The following CT45A10 variants were observed in gnomAD, a reference collection of about 807,000 sequenced individuals.
CT45A10 encodes the protein cancer/testis antigen family 45 member A10.
CT45A10 carries 19 observed loss-of-function variants against 8.3 expected under a neutral mutation model. That is an observed-to-expected ratio of 2.30 (90% CI 1.61 to 3.38). The LOEUF is 3.38. Ranked by LOEUF, CT45A10 falls within the 30% of genes most tolerant of loss-of-function variation. The pLI, the probability that CT45A10 is intolerant of heterozygous loss-of-function variation, is 0.00. For synonymous variants in CT45A10, 28 were observed against 26.5 expected (o/e 1.06, Z -0.17); for missense variants, 149 against 85.9 (o/e 1.73, Z -2.90).
chrX:135,888,214 G>A (rs1391118032), intron 1 of CT45A10, among the ~76,000 whole-genome samples: 2 of 112,888 alleles, frequency 1.8e-5, no homozygotes, highest in African/African-American at 3.2e-5. Context: ...TCCAGTAAGC[G>A]TCCACAACGG....
chrX:135,883,546 G>C (rs2088413804), intron 2 of CT45A10, among the ~76,000 whole-genome samples: 2 of 109,991 alleles, frequency 1.8e-5, no homozygotes, highest in African/African-American at 3.3e-5. Flanking sequence ...GCCTTGAATA[G>C]ATATGGAAAC....
chrX:135,889,830 GAAAA>G (rs10684169), intron 1 of CT45A10, among the ~76,000 whole-genome samples: 22,063 of 96,295 alleles, frequency 0.23, 1,938 homozygotes, highest in Non-Finnish European at 0.27. Context: ...CAAAAAGTTG[GAAAA>G]AAAAAAAAAA....
At chrX:135,890,326 G>A (rs987124176) in intron 1 of CT45A10, among the ~76,000 whole-genome samples, 19 of 112,712 alleles carry the variant, frequency 1.7e-4, no homozygotes, top group Non-Finnish European at 3.2e-4. Flanking sequence ...CAGCTTGAGC[G>A]ATGCAGATCC....
intron 3 of CT45A10, 48 bp downstream of exon 3, chrX:135,882,960 G>T: frequency 3.4e-6 from 4 of 1,176,257 alleles, no homozygotes. Context: ...ATCATAGAAA[G>T]AGTGACTTCC....
chrX:135,883,087 G>A lies in CT45A10; in HGVS notation c.339C>T (p.Ala113=), dbSNP rs1303636149. ...TTTCTTGTTGGCTTTTGGGAGAGGA[G>A]GCTATTCCTCTGCATTCTAGGTCAT... is the stretch of plus-strand genomic sequence containing the variant. ...SGDDLECRGI[A]SSPKSQQEIN... is the part of the protein sequence containing the mutation. The change falls in exon 3 of 5, where the codon GCC becomes GCT. Residue 113 remains alanine (A), a synonymous_variant. Coordinates refer to ENST00000682849, the MANE Select transcript of CT45A10 (RefSeq NM_001291529.2). 22 of 1,197,039 alleles carry A rather than the reference G, an allele frequency of 1.8e-5. No homozygotes were observed. The African/African-American group carries it at 2.5e-4, about 13-fold the overall frequency.
chrX:135,883,094 C>A lies in CT45A10; in HGVS notation c.332G>T (p.Gly111Val). The A allele has an allele frequency of 8.3e-7, 1 of 1,198,464 alleles. No individual in the cohort carries two copies. Reference sequence around the variant, plus strand: ...TTGGCTTTTGGGAGAGGAGGCTATTCCTCTGCATTCTAGGTCATCTCCAGA... The same window carrying A: ...TTGGCTTTTGGGAGAGGAGGCTATTACTCTGCATTCTAGGTCATCTCCAGA... ...NFSGDDLECRGIASSPKSQQE... is the reference protein window; with the variant it reads ...NFSGDDLECRVIASSPKSQQE... The change falls in exon 3 of 5, where the codon GGA becomes GTA. Residue 111 changes from glycine (G) to valine (V), a missense_variant. Coordinates refer to ENST00000682849, the MANE Select transcript of CT45A10 (RefSeq NM_001291529.2).
rs10645547 is a variant in CT45A10, at chrX:135,889,477, C to CA, written c.-7+3867dup. Among the ~76,000 whole-genome samples, 507 of 89,074 alleles carry CA rather than the reference C, an allele frequency of 5.7e-3. 19 individuals are homozygous for CA. In the East Asian group the frequency reaches 0.082, roughly 14 times the overall value. The allele number at this position is 89,074 out of a possible 115,157, so 77.4% of individuals were successfully genotyped here. A position where few individuals can be genotyped will look rare whatever the true frequency, so the allele number is the denominator to read the frequency against. On this transcript the variant is annotated intron_variant, in intron 1 of 4. Coordinates refer to ENST00000682849, the MANE Select transcript of CT45A10 (RefSeq NM_001291529.2). Reference sequence around the variant, plus strand: ...TCCCAGACCATACAGAAGACTCCATCAAAAAAAAAAAAAAGAAAGAAAGAA... The same window carrying CA: ...TCCCAGACCATACAGAAGACTCCATCAAAAAAAAAAAAAAAGAAAGAAAGAA...
At position 135,883,351 on chromosome X, in the gene CT45A10, C is replaced by G; in HGVS notation, c.170-95G>C. 4.2e-6 allele frequency: 5 copies of G among 1,183,210 alleles called. No homozygotes were observed. In the Admixed American group the frequency reaches 1.1e-4, roughly 26 times the overall value. On this transcript the variant is annotated intron_variant, in intron 2 of 4. Coordinates refer to ENST00000682849, the MANE Select transcript of CT45A10 (RefSeq NM_001291529.2). Reference sequence around the variant, plus strand: ...CCTCATGAATGACAGATCTGGAAATCAAACTGAGAAGTTGAGCTGTGAGAT... The same window carrying G: ...CCTCATGAATGACAGATCTGGAAATGAAACTGAGAAGTTGAGCTGTGAGAT...
At chrX:135,882,433 G>C in intron 4 of CT45A10, 103 bp downstream of exon 4, 1 of 630,181 alleles carries the variant, frequency 1.6e-6, no homozygotes, top group South Asian at 2.6e-5. Flanking sequence ...TGAGGACCAG[G>C]GTTTGAGAAA....
At chrX:135,893,153 C>T (rs993753260) in intron 1 of CT45A10, among the ~76,000 whole-genome samples, 192 bp downstream of exon 1, 4 of 110,928 alleles carry the variant, frequency 3.6e-5, no homozygotes, top group African/African-American at 6.6e-5. Context: ...CCAAGGAAAA[C>T]GCTCCCCCAT....
At chrX:135,883,394 C>A in intron 2 of CT45A10, 138 bp from the exon 3 acceptor site, 3 of 1,061,466 alleles carry the variant, frequency 2.8e-6, no homozygotes, top group Non-Finnish European at 3.8e-6. Context: ...TTTCATCACC[C>A]CTCTGGGTAC....
intron 1 of CT45A10, among the ~76,000 whole-genome samples, chrX:135,892,291 C>A (rs2088512908): frequency 8.9e-6 from 1 of 111,878 alleles, no homozygotes; most frequent in Non-Finnish European, 1.9e-5. Flanking sequence ...AAAAAGGGTG[C>A]TCAATCTCAT....
chrX:135,889,845 A>T (rs1419606193), intron 1 of CT45A10, among the ~76,000 whole-genome samples: 2 of 106,444 alleles, frequency 1.9e-5, no homozygotes, highest in Non-Finnish European at 3.9e-5. Context: ...AAAAAAAAAA[A>T]GTAAAATAAA....
chrX:135,883,976 G>C (rs1413313549), intron 2 of CT45A10, among the ~76,000 whole-genome samples: 1 of 1,235 alleles, frequency 8.1e-4, no homozygotes, highest in East Asian at 0.012. Context: ...AAACAGCCCA[G>C]AGAGCAACGT....
chrX:135,892,185 G>A (rs1329597879), intron 1 of CT45A10, among the ~76,000 whole-genome samples: 9 of 111,299 alleles, frequency 8.1e-5, no homozygotes, highest in African/African-American at 3.0e-4. Flanking sequence ...AGCCAGGCTT[G>A]GTGGCATGCG....
At chrX:135,889,721 C>T (rs956486428) in intron 1 of CT45A10, among the ~76,000 whole-genome samples, 5 of 108,401 alleles carry the variant, frequency 4.6e-5, no homozygotes, top group East Asian at 5.8e-4. Context: ...TGTGGTGGCA[C>T]GCACCTGTAG....
In CT45A10 at chrX:135,883,010, C is replaced by T. The variant is rs1290230048; in HGVS notation, c.416G>A (p.Arg139Gln). 2.9e-5 allele frequency: 35 copies of T among 1,196,402 alleles called. 3 individuals carry two copies. Among genetic ancestry groups the T allele is most frequent in the Middle Eastern group, 2.3e-4 (1 of 4,284 alleles). ...ACAGACGTTCTTACACTACTTACTT[C>T]GTCCAAGGCATCGGATTTCCTTCAC... ...QVVKEIRCLGRKYEKIFEMLE... is the reference protein window; with the variant it reads ...QVVKEIRCLGQKYEKIFEMLE... Residue 139 changes from arginine (R) to glutamine (Q), a missense_variant and splice_region_variant, in exon 3 of 5, where the codon CGA (arginine) becomes CAA (glutamine). Physicochemically the swap from Arg to Gln is conservative, Grantham distance 43. Transcript: ENST00000682849.
At position 135,886,088 on chromosome X, in the gene CT45A10, T is replaced by TAAC. The variant is rs1340213066; in HGVS notation, c.-6-741_-6-739dup. Among the ~76,000 whole-genome samples, 96 of 1,544 alleles carry TAAC rather than the reference T, an allele frequency of 0.062. 37 individuals carry two copies. In the Non-Finnish European group the frequency reaches 0.68, roughly 11 times the overall value. 1.3% of individuals were successfully genotyped at this position (1,544 alleles called of 115,157 possible). On this transcript the variant is annotated intron_variant, in intron 1 of 4. Coordinates refer to ENST00000682849, the MANE Select transcript of CT45A10 (RefSeq NM_001291529.2). ...AATCGACAAATGTAGTGCACCACAT[T>TAAC]AACAACAACAACAACAACAACAACA...
chrX:135,889,679 G>T (rs1351623941), intron 1 of CT45A10, among the ~76,000 whole-genome samples: 12 of 109,579 alleles, frequency 1.1e-4, no homozygotes, highest in African/African-American at 4.0e-4. Flanking sequence ...GGTGAATCCC[G>T]TCTCTACTAA....
Sources: allele counts gnomAD v4.1 joint callset (sites outside exome capture counted in the v4.1 genomes callset), GRCh38; gene constraint gnomAD v4.1.1; transcripts MANE v1.5; gene names NCBI Gene and HGNC (gene_info 2026-07-23, HGNC 2026-07-21).